RASSF3: variants seen among roughly 807,000 people sequenced by gnomAD.
RASSF3 encodes the protein ras association domain-containing protein 3.
A neutral mutation model predicts 19.9 loss-of-function variants in RASSF3; 19 were observed. The observed-to-expected ratio is 0.96, with a 90% CI of 0.67 to 1.40. The LOEUF (loss-of-function observed/expected upper bound fraction) is 1.40, where lower values mean the gene tolerates loss of function less well. RASSF3 is among the 40% of genes most tolerant of loss of function. The pLI, the probability that RASSF3 is intolerant of heterozygous loss-of-function variation, is 0.00. For synonymous variants in RASSF3, 110 were observed against 104.2 expected (o/e 1.06, Z -0.34); for missense variants, 306 against 289.8 (o/e 1.06, Z -0.41).
intron 1 of RASSF3, among the ~76,000 whole-genome samples, chr12:64,660,650 C>T (rs1184239486): frequency 1.3e-5 from 2 of 152,138 alleles, no homozygotes; most frequent in African/African-American, 4.8e-5. Context: ...AGGGACATTT[C>T]TTTTTAACGT....
At position 64,684,085 on chromosome 12, in the gene RASSF3, ATT is replaced by A. The variant is rs1206268046; in HGVS notation, c.112-684_112-683del. 2.2e-3 allele frequency among the ~76,000 whole-genome samples: 284 copies of A among 127,212 alleles called. 4 individuals carry two copies. Among genetic ancestry groups the A allele is most frequent in the Admixed American group, 0.017 (211 of 12,146 alleles). 83.5% of individuals were successfully genotyped at this position (127,212 alleles called of 152,430 possible). On this transcript the variant is annotated intron_variant, in intron 1 of 4. Coordinates refer to ENST00000542104, the MANE Select transcript of RASSF3 (RefSeq NM_178169.4). ...ATAAGGTTCTTCTTGTGTGGTTGTAATTTTTTTTTTTTTTTTTTTGAGACAGG... is the reference window on the plus strand; with the variant it reads ...ATAAGGTTCTTCTTGTGTGGTTGTAATTTTTTTTTTTTTTTTTGAGACAGG...
intron 1 of RASSF3, among the ~76,000 whole-genome samples, chr12:64,514,262 C>T (rs1868347177): frequency 1.4e-5 from 2 of 143,450 alleles, no homozygotes; most frequent in Admixed American, 7.4e-5. Flanking sequence ...GGCATGATCT[C>T]GGCTCACTCC....
upstream of RASSF3, among the ~76,000 whole-genome samples, chr12:64,609,895 G>C (rs141292600): frequency 1.3e-5 from 2 of 152,210 alleles, no homozygotes. Context: ...AAGCTCAAAT[G>C]AATGACCAGA....
chr12:64,650,572 C>T lies in RASSF3; in HGVS notation c.112-34215C>T, dbSNP rs866246850. 2.6e-5 allele frequency among the ~76,000 whole-genome samples: 4 copies of T among 151,880 alleles called. No individual in the cohort carries two copies. In the South Asian group the frequency reaches 6.2e-4, roughly 24 times the overall value. ...CTGGGATTACAGGTGCGCGCCACCA[C>T]ACCCAGCTAATTTTTTGTATTTTTA... is the stretch of plus-strand genomic sequence containing the variant. On this transcript the variant is annotated intron_variant, in intron 1 of 4. Coordinates refer to ENST00000542104, the MANE Select transcript of RASSF3 (RefSeq NM_178169.4).
intron 1 of RASSF3, among the ~76,000 whole-genome samples, chr12:64,621,534 A>G (rs560718351): frequency 6.6e-6 from 1 of 152,088 alleles, no homozygotes; most frequent in African/African-American, 2.4e-5. Context: ...CTGGAGAGCA[A>G]TGGTGCGAAC....
intron 2 of RASSF3, among the ~76,000 whole-genome samples, chr12:64,579,593 C>T (rs1177618428): frequency 1.3e-5 from 2 of 152,106 alleles, no homozygotes; most frequent in East Asian, 1.9e-4. Context: ...CCTTGTGATC[C>T]GCCTGCCTTG....
chr12:64,561,004 G>A (rs2136125393), intron 2 of RASSF3, among the ~76,000 whole-genome samples: 1 of 152,336 alleles, frequency 6.6e-6, no homozygotes, highest in Non-Finnish European at 1.5e-5. Context: ...TAAAGAATGA[G>A]TCTGTATTAG....
intron 1 of RASSF3, among the ~76,000 whole-genome samples, chr12:64,509,455 A>C (rs1868313982): frequency 6.6e-6 from 1 of 152,208 alleles, no homozygotes; most frequent in Admixed American, 6.5e-5. Context: ...GCCTCAAAAA[A>C]TAAAAATAAG....
chr12:64,557,088 C>T (rs936066472), intron 2 of RASSF3, among the ~76,000 whole-genome samples: 4 of 152,026 alleles, frequency 2.6e-5, no homozygotes, highest in East Asian at 1.9e-4. Flanking sequence ...CCGCCCACCT[C>T]GGCCTCCCAA....
intron 1 of RASSF3, among the ~76,000 whole-genome samples, chr12:64,671,154 G>A (rs1872690059): frequency 6.6e-6 from 1 of 152,144 alleles, no homozygotes. Context: ...GGCTAATCCT[G>A]CCCTGTCTGG....
chr12:64,624,341 T>G (rs7302505), intron 1 of RASSF3, among the ~76,000 whole-genome samples: 31,927 of 151,972 alleles, frequency 0.21, 4,165 homozygotes, highest in African/African-American at 0.35. Flanking sequence ...CTTAATTGAT[T>G]AATTGCAAGC....
intron 2 of RASSF3, among the ~76,000 whole-genome samples, chr12:64,604,067 C>T (rs1189943885): frequency 1.3e-5 from 2 of 151,464 alleles, no homozygotes; most frequent in Non-Finnish European, 2.9e-5. Flanking sequence ...AGGATGGTCT[C>T]GATCTCCTGA....
chr12:64,522,413 C>A (rs1868498331), intron 1 of RASSF3, among the ~76,000 whole-genome samples: 1 of 152,124 alleles, frequency 6.6e-6, no homozygotes, highest in South Asian at 2.1e-4. Flanking sequence ...TTAGGGCATG[C>A]CCAATGCTGA....
At chr12:64,602,856 C>G (rs1012071247) in intron 2 of RASSF3, among the ~76,000 whole-genome samples, 3 of 152,040 alleles carry the variant, frequency 2.0e-5, no homozygotes, top group Non-Finnish European at 4.4e-5. Context: ...AATCCCAGCA[C>G]TTGGGAGGCC....
At chr12:64,664,091 T>G (rs565695554) in intron 1 of RASSF3, among the ~76,000 whole-genome samples, 29 of 152,234 alleles carry the variant, frequency 1.9e-4, no homozygotes, top group Admixed American at 1.2e-3. Context: ...GCAACTTTAG[T>G]CAGAAAAGCA....
At chr12:64,623,428 G>A (rs1870865546) in intron 1 of RASSF3, among the ~76,000 whole-genome samples, 2 of 152,216 alleles carry the variant, frequency 1.3e-5, no homozygotes, top group African/African-American at 4.8e-5. Flanking sequence ...CAGGTTTCAT[G>A]ACATGCCAGA....
chr12:64,679,828 A>G (rs1266471993), intron 1 of RASSF3, among the ~76,000 whole-genome samples: 1 of 152,184 alleles, frequency 6.6e-6, no homozygotes, highest in Non-Finnish European at 1.5e-5. Context: ...TTATGAAAAG[A>G]TGACTTGTAA....
chr12:64,627,099 A>G (rs893398654), intron 1 of RASSF3, among the ~76,000 whole-genome samples: 1 of 152,256 alleles, frequency 6.6e-6, no homozygotes, highest in Non-Finnish European at 1.5e-5. Flanking sequence ...CCTAGATTAT[A>G]GATTATTACA....
At chr12:64,516,664 G>A (rs1868372218) in intron 1 of RASSF3, among the ~76,000 whole-genome samples, 1 of 149,192 alleles carries the variant, frequency 6.7e-6, no homozygotes, top group Admixed American at 6.7e-5. Flanking sequence ...CTCCCAACAT[G>A]ATTATATATC....
Sources: allele counts gnomAD v4.1 joint callset (sites outside exome capture counted in the v4.1 genomes callset), GRCh38; gene constraint gnomAD v4.1.1; transcripts MANE v1.5; gene names NCBI Gene and HGNC (gene_info 2026-07-23, HGNC 2026-07-21).